The following ADAMTSL1 variants were observed in gnomAD, a reference collection of about 807,000 sequenced individuals.
The protein encoded by ADAMTSL1 is ADAMTS like 1.
In ADAMTSL1, 126 loss-of-function variants were observed where a neutral mutation model predicts 201.8. The ratio of observed to expected loss-of-function variants is 0.62; its 90% CI spans 0.54 to 0.72. The LOEUF (loss-of-function observed/expected upper bound fraction) is 0.72, where lower values mean the gene tolerates loss of function less well. ADAMTSL1 is among the 30% of genes least tolerant of loss of function. ADAMTSL1 has a pLI of 0.00. For missense variants in ADAMTSL1, 2,679 were observed against 2,277.8 expected (o/e 1.18, Z -3.59); for synonymous variants, 1,121 against 903.4 (o/e 1.24, Z -4.32).
chr9:18,866,803 A>T (rs1827566125), intron 23 of ADAMTSL1, among the ~76,000 whole-genome samples: 1 of 152,232 alleles, frequency 6.6e-6, no homozygotes, highest in Non-Finnish European at 1.5e-5. Flanking sequence ...CCAGAGGAAG[A>T]TGTTCCATGC....
intron 3 of ADAMTSL1, among the ~76,000 whole-genome samples, chr9:18,567,122 C>A (rs568471777): frequency 1.7e-3 from 264 of 152,198 alleles, no homozygotes; most frequent in African/African-American, 6.1e-3. Context: ...TTTAAAAAGG[C>A]CTTCAGGTGA....
chr9:18,634,906 TTTA>T (rs1319515330), intron 5 of ADAMTSL1, among the ~76,000 whole-genome samples: 1 of 115,540 alleles, frequency 8.7e-6, no homozygotes, highest in African/African-American at 3.9e-5. Context: ...TAAATATATA[TTTA>T]ATATATATAT....
Position 18,434,211 on chromosome 9 carries a change from G to T in ADAMTSL1, c.208-70618G>T, listed in dbSNP as rs921239312. Among the ~76,000 whole-genome samples the T allele has an allele frequency of 3.9e-5, 6 of 152,212 alleles. No individual in the cohort carries two copies. In the East Asian group the frequency reaches 1.2e-3, roughly 29 times the overall value. ...GTTTTTAAAATTATCTTATTTAAAA[G>T]AATTCAGGGTCATAAAAGCTTTGGG... On this transcript the variant is annotated intron_variant, in intron 2 of 29. Transcript: ENST00000680146.
At chr9:18,070,786 TG>T (rs1822930240) in intron 1 of ADAMTSL1, among the ~76,000 whole-genome samples, 1 of 152,018 alleles carries the variant, frequency 6.6e-6, no homozygotes, top group South Asian at 2.1e-4. Flanking sequence ...GATGGGATGG[TG>T]TGGAGATGAT....
chr9:18,523,396 G>A (rs9775632), intron 2 of ADAMTSL1, among the ~76,000 whole-genome samples: 13,474 of 152,122 alleles, frequency 0.089, 1,756 homozygotes, highest in African/African-American at 0.29. Context: ...TAGGTTGCCT[G>A]TTCACTATGA....
intron 1 of ADAMTSL1, among the ~76,000 whole-genome samples, chr9:17,987,115 G>T (rs893972772): frequency 1.3e-5 from 2 of 152,026 alleles, no homozygotes; most frequent in African/African-American, 4.8e-5. Flanking sequence ...GTCTCTCTGA[G>T]TTTTCGGAGA....
intron 2 of ADAMTSL1, among the ~76,000 whole-genome samples, chr9:18,303,340 A>C (rs1306723731): frequency 1.3e-5 from 2 of 152,218 alleles, no homozygotes; most frequent in Admixed American, 6.5e-5. Context: ...CAGGAGGCAG[A>C]ACTAGTCAGG....
chr9:18,603,450 T>A (rs111932045), intron 4 of ADAMTSL1, among the ~76,000 whole-genome samples: 4 of 152,266 alleles, frequency 2.6e-5, no homozygotes, highest in African/African-American at 9.6e-5. Context: ...GCAGTATTGT[T>A]GGGTCCATAT....
chr9:18,152,821 C>A (rs937184438), intron 1 of ADAMTSL1, among the ~76,000 whole-genome samples: 1 of 151,930 alleles, frequency 6.6e-6, no homozygotes, highest in Non-Finnish European at 1.5e-5. Context: ...GCCAGTAAAT[C>A]GACACTGTCT....
chr9:18,261,419 G>A (rs1831919123), intron 2 of ADAMTSL1, among the ~76,000 whole-genome samples: 1 of 152,186 alleles, frequency 6.6e-6, no homozygotes, highest in East Asian at 1.9e-4. Context: ...CATTAGGCAA[G>A]TAAAGTGATT....
At chr9:18,116,075 G>A (rs570075016) in intron 1 of ADAMTSL1, among the ~76,000 whole-genome samples, 78 of 152,280 alleles carry the variant, frequency 5.1e-4, no homozygotes, top group Non-Finnish European at 2.5e-4. Context: ...GACAGAGACC[G>A]TGGGTAATGT....
In ADAMTSL1 at chr9:18,777,334, C is replaced by T. The variant is rs759939236; in HGVS notation, c.3105C>T (p.Pro1035=). ...GGCTGCTGGAGCAGGGCGGCTGGCC[C>T]GGAGAGCTGCTGGCCTCGTGGGAGG... ...VSRLLEQGGW[P]GELLASWEAQ... Residue 1035 remains proline (P), a synonymous_variant, in exon 19 of 29, where the codon CCC becomes CCT. Transcript: ENST00000380548. 3.5e-5 allele frequency: 56 copies of T among 1,600,938 alleles called. No individual in the cohort carries two copies. Among genetic ancestry groups the T allele is most frequent in the Non-Finnish European group, 4.8e-5 (56 of 1,174,164 alleles).
At chr9:18,551,127 A>T (rs1428314133) in intron 3 of ADAMTSL1, among the ~76,000 whole-genome samples, 1 of 151,896 alleles carries the variant, frequency 6.6e-6, no homozygotes, top group Non-Finnish European at 1.5e-5. Flanking sequence ...ACAAAATGCC[A>T]AAGTTTTCCA....
chr9:18,692,190 T>G (rs961546245), intron 13 of ADAMTSL1, among the ~76,000 whole-genome samples: 2 of 152,168 alleles, frequency 1.3e-5, no homozygotes, highest in African/African-American at 4.8e-5. Flanking sequence ...GGACAAATCT[T>G]TATTTAAATA....
At chr9:18,904,749 T>C (rs933049826) in intron 26 of ADAMTSL1, among the ~76,000 whole-genome samples, 1 of 149,656 alleles carries the variant, frequency 6.7e-6, no homozygotes, top group Non-Finnish European at 1.5e-5. Context: ...TTTTTTTTTT[T>C]TTACATTTAC....
At chr9:18,480,706 TG>T (rs1821681814) in intron 1 of ADAMTSL1, among the ~76,000 whole-genome samples, 1 of 152,172 alleles carries the variant, frequency 6.6e-6, no homozygotes. Flanking sequence ...ATTTATTATA[TG>T]GGAAAAGAGA....
intron 13 of ADAMTSL1, among the ~76,000 whole-genome samples, chr9:18,685,762 T>A (rs953364220): frequency 6.6e-6 from 1 of 152,234 alleles, no homozygotes; most frequent in Admixed American, 6.5e-5. Flanking sequence ...AATCTAAATC[T>A]GATGTGGTTT....
chr9:18,625,272 G>GT (rs58666836), intron 5 of ADAMTSL1, among the ~76,000 whole-genome samples: 2,010 of 145,814 alleles, frequency 0.014, 15 homozygotes, highest in Non-Finnish European at 0.022. Context: ...TTATATCCAA[G>GT]TTTTTTTTTT....
intron 1 of ADAMTSL1, among the ~76,000 whole-genome samples, chr9:18,101,944 T>A (rs1323840783): frequency 6.6e-6 from 1 of 152,202 alleles, no homozygotes; most frequent in Admixed American, 6.5e-5. Context: ...GTGACAGGGA[T>A]GTCAGAGGTA....
Sources: gnomAD v4.1 joint callset for allele counts (sites outside exome capture counted in the v4.1 genomes callset) on GRCh38, gnomAD v4.1.1 for gene constraint, MANE v1.5 for transcripts, NCBI Gene and HGNC (gene_info 2026-07-23, HGNC 2026-07-21) for gene names.